The following CDH12 variants were observed in gnomAD, a reference collection of about 807,000 sequenced individuals.
CDH12 encodes cadherin 12, also known as cadherin-12.
A neutral mutation model predicts 74.1 loss-of-function variants in CDH12; 41 were observed. The observed-to-expected ratio is 0.55, with a 90% CI of 0.43 to 0.72. CDH12 has a LOEUF of 0.72. Among genes scored for constraint, CDH12 ranks in the 30% least tolerant of loss-of-function variants. The probability of loss-of-function intolerance (pLI) is 0.00; values close to 1 mark genes in which losing one functional copy is unlikely to be tolerated. For synonymous variants in CDH12, 399 were observed against 355.0 expected, an observed-to-expected ratio of 1.12 and a Z score of -1.39; for missense variants, 945 against 977.2, an observed-to-expected ratio of 0.97 and a Z score of 0.44.
rs1457342568 is a variant in CDH12, at chr5:22,456,242, ATATG to A, written c.-428+49024_-428+49027del. On this transcript the variant is annotated intron_variant, in intron 2 of 14. Coordinates refer to ENST00000382254, the MANE Select transcript of CDH12 (RefSeq NM_004061.5). ...CTTTTTTTAAATGTTTTGTCTATATATATGTGTGTGTGTGTGTGTGTGTGTGTGT... is the reference window on the plus strand; with the variant it reads ...CTTTTTTTAAATGTTTTGTCTATATATGTGTGTGTGTGTGTGTGTGTGTGT... Among the ~76,000 whole-genome samples, 204 of 85,176 alleles carry A rather than the reference ATATG, an allele frequency of 2.4e-3. No homozygotes were observed. The Middle Eastern group carries it at 0.024, about 10-fold the overall frequency. The allele number at this position is 85,176 out of a possible 152,430, so 55.9% of individuals were successfully genotyped here. A position where few individuals can be genotyped will look rare whatever the true frequency, so the allele number is the denominator to read the frequency against.
At chr5:21,948,364 G>A (rs1465345595) in intron 6 of CDH12, among the ~76,000 whole-genome samples, 6 of 152,224 alleles carry the variant, frequency 3.9e-5, no homozygotes, top group African/African-American at 1.4e-4. Context: ...CCCTGGATGT[G>A]AAACATGGAG....
intron 4 of CDH12, among the ~76,000 whole-genome samples, chr5:22,157,618 C>T (rs992602347): frequency 6.6e-6 from 1 of 151,958 alleles, no homozygotes; most frequent in African/African-American, 2.4e-5. Flanking sequence ...TTTTATTCTG[C>T]CCTTCAAAAT....
At chr5:22,625,863 A>C (rs1738262976) in intron 1 of CDH12, among the ~76,000 whole-genome samples, 1 of 151,806 alleles carries the variant, frequency 6.6e-6, no homozygotes, top group Admixed American at 6.6e-5. Flanking sequence ...CATCCCCCCC[A>C]CAGTAGCCTT....
At position 22,552,663 on chromosome 5, in the gene CDH12, G is replaced by A. The variant is rs974385445; in HGVS notation, c.-522-47299C>T. Among the ~76,000 whole-genome samples the A allele has an allele frequency of 1.8e-3, 277 of 152,116 alleles. 2 individuals carry two copies. Among genetic ancestry groups the A allele is most frequent in the African/African-American group, 6.6e-3 (274 of 41,530 alleles). ...AGGGTTGTCTTGATCTCCTAACCTC[G>A]TGATCTGCCCACCTCAGCCTCCCAA... On this transcript the variant is annotated intron_variant, in intron 1 of 14. Transcript: ENST00000382254.
At chr5:22,736,668 A>G (rs1284651881) in intron 1 of CDH12, among the ~76,000 whole-genome samples, 1 of 151,748 alleles carries the variant, frequency 6.6e-6, no homozygotes. Flanking sequence ...TATGTATCAG[A>G]TAGATTAGGA....
Position 22,366,190 on chromosome 5 carries a change from C to T in CDH12, c.-333+39067G>A, listed in dbSNP as rs917171770. 1.5e-4 allele frequency among the ~76,000 whole-genome samples: 23 copies of T among 152,182 alleles called. 1 individual carries two copies. The highest frequency in any genetic ancestry group is 1.4e-3 in the Admixed American group (21 of 15,286). On this transcript the variant is annotated intron_variant, in intron 3 of 14. Transcript: ENST00000382254. ...ACCAGGCTGGTGTTGAACTCCTGAC[C>T]TCATGATCCACCTGTCTTGGCTTCC...
At chr5:22,485,767 G>A (rs1356003948) in intron 2 of CDH12, among the ~76,000 whole-genome samples, 1 of 152,086 alleles carries the variant, frequency 6.6e-6, no homozygotes, top group Non-Finnish European at 1.5e-5. Flanking sequence ...AATAATAGAG[G>A]AAAACACCTT....
intron 1 of CDH12, among the ~76,000 whole-genome samples, chr5:22,782,634 A>T (rs1460933726): frequency 2.6e-5 from 4 of 152,262 alleles, no homozygotes; most frequent in Non-Finnish European, 5.9e-5. Context: ...TTGATCCTTG[A>T]GATTCTTATC....
At chr5:21,970,690 AT>A (rs1272804898) in intron 6 of CDH12, among the ~76,000 whole-genome samples, 2 of 151,716 alleles carry the variant, frequency 1.3e-5, no homozygotes, top group Non-Finnish European at 2.9e-5. Flanking sequence ...AAATACAAGA[AT>A]TAGCTGAGTG....
At chr5:22,609,923 G>A (rs1420430471) in intron 1 of CDH12, among the ~76,000 whole-genome samples, 1 of 152,194 alleles carries the variant, frequency 6.6e-6, no homozygotes, top group Non-Finnish European at 1.5e-5. Flanking sequence ...TTTACAAACT[G>A]ATTAACACAT....
chr5:22,701,669 C>T (rs1007821755), intron 1 of CDH12, among the ~76,000 whole-genome samples: 6 of 152,058 alleles, frequency 3.9e-5, no homozygotes, highest in Admixed American at 2.6e-4. Context: ...TTGGGAGGAA[C>T]CTTCTACTCC....
At chr5:21,991,393 T>C (rs1394534903) in intron 5 of CDH12, among the ~76,000 whole-genome samples, 4 of 151,498 alleles carry the variant, frequency 2.6e-5, no homozygotes, top group Admixed American at 6.6e-5. Context: ...TTATATGTGT[T>C]TTATGTGAGA....
intron 2 of CDH12, among the ~76,000 whole-genome samples, chr5:22,432,788 T>C (rs1423181025): frequency 6.6e-6 from 1 of 152,182 alleles, no homozygotes; most frequent in East Asian, 1.9e-4. Context: ...TTAGTATCAT[T>C]TTGATTTTCT....
intron 3 of CDH12, among the ~76,000 whole-genome samples, chr5:22,270,344 C>T (rs981334471): frequency 7.2e-5 from 11 of 151,936 alleles, no homozygotes; most frequent in African/African-American, 2.7e-4. Flanking sequence ...GGCTGTAATT[C>T]CAGCCCTTTG....
At chr5:22,691,661 G>A (rs1252155184) in intron 1 of CDH12, among the ~76,000 whole-genome samples, 5 of 152,220 alleles carry the variant, frequency 3.3e-5, no homozygotes, top group African/African-American at 9.6e-5. Flanking sequence ...AATGCCTCCA[G>A]TGGAAGCCAT....
chr5:21,765,029 T>G lies in CDH12; in HGVS notation c.1464A>C (p.Glu488Asp). Residue 488 changes from glutamate (E) to aspartate (D), a missense_variant, in exon 12 of 15, where the codon GAA becomes GAC. This residue lies in a region of CDH12 where 791 missense variants were observed against 792.8 expected (regional missense o/e 1.00). Coordinates refer to ENST00000382254, the MANE Select transcript of CDH12 (RefSeq NM_004061.5). ...CGGCTGTCTCATATGGCACAGATAT[T>G]TCTGGAGGAAATTCATTTACATCTA... The part of the protein sequence containing the change: ...NVLDVNEFPP[E>D]ISVPYETAVC... 1 of 1,612,916 alleles carries G rather than the reference T, an allele frequency of 6.2e-7. No individual in the cohort carries two copies. The highest frequency in any genetic ancestry group is 8.5e-7 in the Non-Finnish European group (1 of 1,179,316).
chr5:22,034,408 T>C (rs1266575140), intron 5 of CDH12, among the ~76,000 whole-genome samples: 1 of 152,194 alleles, frequency 6.6e-6, no homozygotes, highest in African/African-American at 2.4e-5. Flanking sequence ...GTAATGTCTC[T>C]GGAGTTACTC....
At chr5:21,778,521 A>AT (rs71964106) in intron 11 of CDH12, among the ~76,000 whole-genome samples, 5,081 of 115,060 alleles carry the variant, frequency 0.044, 321 homozygotes, top group African/African-American at 0.14. Flanking sequence ...AAAAATCTCT[A>AT]TTTTTTTTTT....
intron 5 of CDH12, among the ~76,000 whole-genome samples, chr5:22,071,855 C>A (rs1741960455): frequency 6.6e-6 from 1 of 152,144 alleles, no homozygotes; most frequent in South Asian, 2.1e-4. Flanking sequence ...AGTCAGAAAT[C>A]TGTGTCATTT....
Sources: gnomAD v4.1 joint callset for allele counts (sites outside exome capture counted in the v4.1 genomes callset) on GRCh38, gnomAD v4.1.1 for gene constraint, gnomAD v4.1.1 regional missense constraint, MANE v1.5 for transcripts, NCBI Gene and HGNC (gene_info 2026-07-23, HGNC 2026-07-21) for gene names.